Variants in USP43 observed in about 807,000 individuals in gnomAD.
USP43 encodes ubiquitin specific peptidase 43.
USP43 carries 33 observed loss-of-function variants against 90.7 expected under a neutral mutation model. The ratio of observed to expected loss-of-function variants is 0.36; its 90% CI spans 0.28 to 0.49. The LOEUF (loss-of-function observed/expected upper bound fraction) is 0.49. Ranked by LOEUF, USP43 falls within the 20% of genes least tolerant of loss-of-function variation. The pLI, the probability that USP43 is intolerant of heterozygous loss-of-function variation, is 0.98. For synonymous variants in USP43, 598 were observed against 615.8 expected (o/e 0.97, Z 0.43); for missense variants, 1,274 against 1,476.4 (o/e 0.86, Z 2.25).
chr17:9,667,951 G>A (rs920375544), intron 3 of USP43, among the ~76,000 whole-genome samples: 3 of 152,142 alleles, frequency 2.0e-5, no homozygotes, highest in African/African-American at 7.2e-5. Flanking sequence ...CATGGTAAGT[G>A]GCAGAACCAG....
intron 9 of USP43, among the ~76,000 whole-genome samples, chr17:9,697,334 T>C (rs908339005): frequency 6.6e-6 from 1 of 151,844 alleles, no homozygotes; most frequent in South Asian, 2.1e-4. Flanking sequence ...TTCTCACTTA[T>C]ATAATTTTTT....
intron 14 of USP43, 147 bp from the exon 15 acceptor site, chr17:9,727,807 G>A (rs1181045376): frequency 1.6e-5 from 14 of 852,858 alleles, no homozygotes; most frequent in Non-Finnish European, 2.3e-5. Flanking sequence ...TTCCCCAAAG[G>A]CAGGAACCCT....
chr17:9,663,740 C>T lies in USP43; in HGVS notation c.637-2908C>T, dbSNP rs111811039. On this transcript the variant is annotated intron_variant, in intron 2 of 14. Coordinates refer to ENST00000285199, the MANE Select transcript of USP43 (RefSeq NM_153210.5). ...CAGGGTTCAAGTGATTCTCCTGCCT[C>T]GGCCTCCTGAGTATGTGGGATTACA... Among the ~76,000 whole-genome samples the T allele has an allele frequency of 3.3e-5, 5 of 152,302 alleles. 1 individual carries two copies. The highest frequency in any genetic ancestry group is 9.6e-5 in the African/African-American group (4 of 41,568).
intron 14 of USP43, among the ~76,000 whole-genome samples, chr17:9,720,321 C>CAAAAAAA (rs980644442): frequency 4.6e-5 from 2 of 43,730 alleles, no homozygotes; most frequent in African/African-American, 1.4e-4. Flanking sequence ...GACTCCATCT[C>CAAAAAAA]AAAAAAAAAA....
intron 12 of USP43, among the ~76,000 whole-genome samples, chr17:9,705,731 G>A (rs994309781): frequency 2.0e-4 from 30 of 151,140 alleles, no homozygotes; most frequent in Admixed American, 9.9e-4. Context: ...TCCAGCCTGG[G>A]TGAGAGAGTG....
intron 1 of USP43, among the ~76,000 whole-genome samples, chr17:9,652,359 T>C (rs957060140): frequency 6.6e-6 from 1 of 151,938 alleles, no homozygotes; most frequent in Admixed American, 6.6e-5. Flanking sequence ...GACTTTCTTT[T>C]TTTTTTTTCC....
At chr17:9,657,245 G>A (rs1597816646) in intron 2 of USP43, among the ~76,000 whole-genome samples, 2 of 152,218 alleles carry the variant, frequency 1.3e-5, no homozygotes, top group East Asian at 1.9e-4. Flanking sequence ...GGTGACTCAC[G>A]CCTGTAATCC....
At chr17:9,696,604 T>C (rs1915282784) in intron 9 of USP43, among the ~76,000 whole-genome samples, 5 of 152,256 alleles carry the variant, frequency 3.3e-5, no homozygotes, top group Admixed American at 2.6e-4. Context: ...TCTTCTTGCT[T>C]AAAGCTTTCC....
intron 1 of USP43, among the ~76,000 whole-genome samples, chr17:9,655,840 T>TA (rs747523396): frequency 2.0e-4 from 31 of 152,174 alleles, no homozygotes; most frequent in Non-Finnish European, 3.5e-4. Flanking sequence ...TCATACATAT[T>TA]AGAAAGAGGC....
chr17:9,670,143 A>G (rs1463143277), intron 3 of USP43, among the ~76,000 whole-genome samples: 1 of 149,558 alleles, frequency 6.7e-6, no homozygotes, highest in Non-Finnish European at 1.5e-5. Context: ...GGTTCAAGCC[A>G]TTCTCCTGCC....
rs758058224 is a variant in USP43 at position 9,686,867 on chromosome 17, C to T, written c.1311C>T (p.Leu437=). The T allele has an allele frequency of 1.9e-6, 3 of 1,613,848 alleles. No individual in the cohort carries two copies. The Admixed American group carries it at 5.0e-5, about 27-fold the overall frequency. The part of the protein sequence containing the change: ...VSWAQLQQSI[L]SKVRHLMKSE... The stretch of plus-strand genomic sequence containing the variant: ...GGGCCCAGCTCCAGCAGTCTATCCT[C>T]AGCAAGGTCCGCCATCTTATGAAGA... Residue 437 remains leucine (L), a synonymous_variant, in exon 8 of 15, where the codon CTC becomes CTT. Transcript: ENST00000285199. This position sits in a 1 kb window ranked among gnomAD's most constrained non-coding sequence, Gnocchi z 5.5.
intron 4 of USP43, among the ~76,000 whole-genome samples, chr17:9,675,848 C>T (rs1913737197): frequency 6.6e-6 from 1 of 152,192 alleles, no homozygotes; most frequent in Non-Finnish European, 1.5e-5. Flanking sequence ...ATAATGTCAA[C>T]TTATAGATGT....
At chr17:9,692,888 TG>T (rs1915039735) in intron 8 of USP43, among the ~76,000 whole-genome samples, 1 of 152,162 alleles carries the variant, frequency 6.6e-6, no homozygotes, top group Admixed American at 6.6e-5. Flanking sequence ...TGTTCATTTT[TG>T]GGGGGAAGAT....
At position 9,701,024 on chromosome 17, in the gene USP43, A is replaced by G; in HGVS notation, c.1536-95A>G. On this transcript the variant is annotated intron_variant, in intron 10 of 14. Transcript: ENST00000285199. This position sits in a 1 kb window ranked among gnomAD's most constrained non-coding sequence, Gnocchi z 7.2. ...AGGGCACGGTAGTGTGGCCTGGCCA[A>G]TGTCTGCTGACGGGTTTGCTGTGAG... 2 of 1,390,388 alleles carry G rather than the reference A, an allele frequency of 1.4e-6. No homozygotes were observed. The highest frequency in any genetic ancestry group is 1.9e-6 in the Non-Finnish European group (2 of 1,070,108). 86.1% of individuals were successfully genotyped at this position (1,390,388 alleles called of 1,614,324 possible).
At position 9,681,462 on chromosome 17, in the gene USP43, T is replaced by TCATATATA. The variant is rs1555550104; in HGVS notation, c.1105+1096_1105+1097insCATATATA. On this transcript the variant is annotated intron_variant, in intron 6 of 14. Coordinates refer to ENST00000285199, the MANE Select transcript of USP43 (RefSeq NM_153210.5). Reference sequence around the variant, plus strand: ...TATAGATAAATATATATAAAATATATTATATATATATATATATATATATAT... The same window carrying TCATATATA: ...TATAGATAAATATATATAAAATATATCATATATATATATATATATATATATATATATAT... Among the ~76,000 whole-genome samples the TCATATATA allele has an allele frequency of 2.7e-4, 5 of 18,578 alleles. No individual in the cohort carries two copies. In the Admixed American group the frequency reaches 3.7e-3, roughly 14 times the overall value. 12.2% of individuals were successfully genotyped at this position (18,578 alleles called of 152,430 possible). A position where few individuals can be genotyped will look rare whatever the true frequency, so the allele number is the denominator to read the frequency against.
chr17:9,659,166 A>C (rs1912464349), intron 2 of USP43, among the ~76,000 whole-genome samples: 1 of 152,234 alleles, frequency 6.6e-6, no homozygotes. Flanking sequence ...ACAAGTTTAT[A>C]GTGAACACAT....
At chr17:9,651,318 A>G (rs1567644740) in intron 1 of USP43, among the ~76,000 whole-genome samples, 1 of 151,932 alleles carries the variant, frequency 6.6e-6, no homozygotes, top group African/African-American at 2.4e-5. Flanking sequence ...CAGCCTTCCG[A>G]GTAGCTGGGA....
At chr17:9,727,933 C>T (rs1320556720) in intron 14 of USP43, 21 bp from the exon 15 acceptor site, 2 of 1,582,302 alleles carry the variant, frequency 1.3e-6, no homozygotes, top group African/African-American at 2.7e-5. Flanking sequence ...TGTACACTGA[C>T]AGTCTCTCTG....
chr17:9,672,802 T>A (rs947417193), intron 3 of USP43, among the ~76,000 whole-genome samples: 11 of 152,184 alleles, frequency 7.2e-5, no homozygotes, highest in Non-Finnish European at 1.6e-4. Context: ...ATAATCAGGT[T>A]GATGGTCTGA....
Sources: allele counts gnomAD v4.1 joint callset (sites outside exome capture counted in the v4.1 genomes callset), GRCh38; gene constraint gnomAD v4.1.1; non-coding constraint Gnocchi (gnomAD v3.1); transcripts MANE v1.5; gene names NCBI Gene and HGNC (gene_info 2026-07-23, HGNC 2026-07-21).